The following RCCD1 variants were observed in gnomAD, a reference collection of about 807,000 sequenced individuals.
RCCD1 encodes the protein RCC1 domain containing 1.
Under a neutral mutation model 37.6 loss-of-function variants are expected in RCCD1, and 40 were observed. The ratio of observed to expected loss-of-function variants is 1.06; its 90% CI spans 0.83 to 1.39. The LOEUF is 1.39. Among genes scored for constraint, RCCD1 ranks in the 40% most tolerant of loss-of-function variants. The probability of loss-of-function intolerance (pLI) is 0.00; values close to 1 mark genes in which losing one functional copy is unlikely to be tolerated. For missense variants in RCCD1, 577 were observed against 517.3 expected (o/e 1.12, Z -1.12); for synonymous variants, 263 against 230.0 (o/e 1.14, Z -1.30).
chr15:90,961,763 G>T lies in RCCD1; in HGVS notation c.1125G>T (p.Lys375Asn), dbSNP rs760972174. The T allele has an allele frequency of 6.2e-7, 1 of 1,613,412 alleles. No individual in the cohort carries two copies. The highest frequency in any genetic ancestry group is 8.5e-7 in the Non-Finnish European group (1 of 1,179,914). ...ACGTGTATGCTGTGGAGAAAGGGAA[G>T]AGCTGACATGTGTACGTATATGTAT... ...NTYVYAVEKG[K>N]S Residue 375 changes from lysine to asparagine, a missense_variant, in exon 8 of 8, where the codon AAG (lysine) becomes AAT (asparagine). By Grantham distance (94) the Lys-to-Asn change is moderately conservative. Coordinates refer to ENST00000394258, the MANE Select transcript of RCCD1 (RefSeq NM_001017919.2).
intron 2 of RCCD1, 57 bp downstream of exon 2, chr15:90,956,957 C>T: frequency 7.9e-7 from 1 of 1,270,838 alleles, no homozygotes; most frequent in Non-Finnish European, 9.9e-7. Context: ...AGTCGCCTCC[C>T]CGCACCGCTG....
Position 90,960,356 on chromosome 15 carries a change from G to A in RCCD1, c.807G>A (p.Gln269=). 1 of 1,612,348 alleles carries A rather than the reference G, an allele frequency of 6.2e-7. No individual in the cohort carries two copies. The highest frequency in any genetic ancestry group is 1.1e-5 in the South Asian group (1 of 90,862). ...EATELNEDGS[Q]VKRTGGAEDG... is the part of the protein sequence containing the mutation. ...CAGAACTGAATGAAGATGGTTCTCA[G>A]GTGAAGAGAACGGGTGGGGCTGAGG... is the stretch of plus-strand genomic sequence containing the variant. The change falls in exon 6 of 8, where the codon CAG becomes CAA. Residue 269 remains glutamine, a synonymous_variant. Coordinates refer to ENST00000394258, the MANE Select transcript of RCCD1 (RefSeq NM_001017919.2).
chr15:90,960,289 G>T (rs1248249986), intron 5 of RCCD1, 39 bp from the exon 6 acceptor site: 1 of 1,554,368 alleles, frequency 6.4e-7, no homozygotes, highest in Admixed American at 1.8e-5. Flanking sequence ...TTTAGCTCAG[G>T]GCTCAGTTGG....
Position 90,957,234 on chromosome 15 carries a change from G to T in RCCD1, c.288G>T (p.Leu96=). 6.9e-7 allele frequency: 1 copy of T among 1,445,788 alleles called. No homozygotes were observed. Among genetic ancestry groups the T allele is most frequent in the South Asian group, 1.4e-5 (1 of 69,566 alleles). 89.6% of individuals were successfully genotyped at this position (1,445,788 alleles called of 1,614,324 possible). A position where few individuals can be genotyped will look rare whatever the true frequency, so the allele number is the denominator to read the frequency against. ...LRAGPGPEAL[L]QVWAAESALR... ...CCGGGCCGGGGCCGGAGGCGTTACT[G>T]CAGGTCTGGGCGGCCGAATCGGCGC... Residue 96 remains leucine (L), a synonymous_variant, in exon 3 of 8, where the codon CTG becomes CTT. Coordinates refer to ENST00000394258, the MANE Select transcript of RCCD1 (RefSeq NM_001017919.2).
rs763704333 is a variant in RCCD1, at chr15:90,956,872, G to C, written c.138G>C (p.Ala46=). Residue 46 remains alanine (A), a synonymous_variant, in exon 2 of 8, where the codon GCG becomes GCC. Coordinates refer to ENST00000394258, the MANE Select transcript of RCCD1 (RefSeq NM_001017919.2). ...GCGTCGACATCTGCCGCGTGAGCGC[G>C]AGCTGGAGCTACACCGCTTTCGTGA... is the stretch of plus-strand genomic sequence containing the variant. ...RAGVDICRVS[A]SWSYTAFVTR... 1 of 1,289,974 alleles carries C rather than the reference G, an allele frequency of 7.8e-7. No individual in the cohort carries two copies. The highest frequency in any genetic ancestry group is 9.8e-7 in the Non-Finnish European group (1 of 1,018,684). 79.9% of individuals were successfully genotyped at this position (1,289,974 alleles called of 1,614,324 possible).
intron 4 of RCCD1, among the ~76,000 whole-genome samples, chr15:90,957,953 C>A (rs940248299): frequency 1.3e-5 from 2 of 152,232 alleles, no homozygotes; most frequent in African/African-American, 2.4e-5. Flanking sequence ...TGTTACTGGT[C>A]TCACTGCCCC....
rs573632840 is a variant in RCCD1, at chr15:90,957,161, G to C, written c.215G>C (p.Arg72Pro). 1.5e-5 allele frequency: 21 copies of C among 1,364,764 alleles called. No individual in the cohort carries two copies. The South Asian group carries it at 3.5e-4, about 23-fold the overall frequency. 84.5% of individuals were successfully genotyped at this position (1,364,764 alleles called of 1,614,324 possible). A position where few individuals can be genotyped will look rare whatever the true frequency, so the allele number is the denominator to read the frequency against. The change falls in exon 3 of 8, where the codon CGC becomes CCC. Residue 72 changes from arginine to proline, a missense_variant. Coordinates refer to ENST00000394258, the MANE Select transcript of RCCD1 (RefSeq NM_001017919.2). ...GGCTCAGCCAGCGGCGCGGCGGGCCGCTGCAAGGACGCGTGGGCCTCGGAG... is the reference window on the plus strand; with the variant it reads ...GGCTCAGCCAGCGGCGCGGCGGGCCCCTGCAAGGACGCGTGGGCCTCGGAG... ...LSGSASGAAG[R>P]CKDAWASEGL...
Position 90,961,956 on chromosome 15 carries a change from C to G in RCCD1, c.*187C>G. 1 of 470,036 alleles carries G rather than the reference C, an allele frequency of 2.1e-6. No individual in the cohort carries two copies. Among genetic ancestry groups the G allele is most frequent in the Non-Finnish European group, 3.8e-6 (1 of 265,768 alleles). The allele number at this position is 470,036 out of a possible 1,614,324, so 29.1% of individuals were successfully genotyped here. ...TGGAGAGCATTGAAAACTCTGCTGC[C>G]TAAGGTCAGCATCAATCAAAACAAT... On this transcript the variant is annotated 3_prime_UTR_variant, in exon 8 of 8. Transcript: ENST00000394258.
chr15:90,959,895 T>C lies in RCCD1; in HGVS notation c.680-5T>C, dbSNP rs2037278908. ...TGTTTCATGTGTCCCCTTGATCTCTTTCAGAGACTGGGGATATTTATATCT... is the reference window on the plus strand; with the variant it reads ...TGTTTCATGTGTCCCCTTGATCTCTCTCAGAGACTGGGGATATTTATATCT... On this transcript the variant is annotated splice_polypyrimidine_tract_variant and splice_region_variant and intron_variant, in intron 4 of 7. Coordinates refer to ENST00000394258, the MANE Select transcript of RCCD1 (RefSeq NM_001017919.2). 6.2e-7 allele frequency: 1 copy of C among 1,605,994 alleles called. No individual in the cohort carries two copies.
At position 90,957,670 on chromosome 15, in the gene RCCD1, G is replaced by A. The variant is rs762906170; in HGVS notation, c.624G>A (p.Gln208=). The A allele has an allele frequency of 1.8e-5, 29 of 1,614,040 alleles. No homozygotes were observed. Among genetic ancestry groups the A allele is most frequent in the Non-Finnish European group, 3.4e-6 (4 of 1,180,010 alleles). Reference sequence around the variant, plus strand: ...AGCCACGGCTGTTGGAGGCGTTGCAGGGCCTAGTCATGGCTGAGGTGGCCG... The same window carrying A: ...AGCCACGGCTGTTGGAGGCGTTGCAAGGCCTAGTCATGGCTGAGGTGGCCG... The part of the protein sequence containing the change: ...ELEPRLLEAL[Q]GLVMAEVAAG... Residue 208 remains glutamine, a synonymous_variant, in exon 4 of 8, where the codon CAG becomes CAA. Coordinates refer to ENST00000394258, the MANE Select transcript of RCCD1 (RefSeq NM_001017919.2).
At chr15:90,961,513 G>A (rs2037313414) in intron 7 of RCCD1, 105 bp from the exon 8 acceptor site, 8 of 1,298,176 alleles carry the variant, frequency 6.2e-6, no homozygotes, top group Middle Eastern at 5.5e-4. Context: ...CAGAGCAGTG[G>A]GGCATAATCC....
chr15:90,956,746 G>A lies in RCCD1; in HGVS notation c.12G>A (p.Glu4=). The A allele has an allele frequency of 7.6e-7, 1 of 1,317,630 alleles. No individual in the cohort carries two copies. Among genetic ancestry groups the A allele is most frequent in the South Asian group, 2.5e-5 (1 of 40,398 alleles). 81.6% of individuals were successfully genotyped at this position (1,317,630 alleles called of 1,614,324 possible). A position where few individuals can be genotyped will look rare whatever the true frequency, so the allele number is the denominator to read the frequency against. The part of the protein sequence containing the change: MAE[E]RPGAWFGFGF... Reference sequence around the variant, plus strand: ...GGCGCTGCTCGGGCATGGCGGAGGAGCGGCCGGGGGCCTGGTTCGGCTTCG... The same window carrying A: ...GGCGCTGCTCGGGCATGGCGGAGGAACGGCCGGGGGCCTGGTTCGGCTTCG... Residue 4 remains glutamate, a synonymous_variant, in exon 2 of 8, where the codon GAG becomes GAA. Transcript: ENST00000394258.
rs143154492 is a variant in RCCD1 at position 90,956,622 on chromosome 15, TCCAG to T, written c.-110_-107del. On this transcript the variant is annotated 5_prime_UTR_variant, in exon 2 of 8. Transcript: ENST00000394258. Reference sequence around the variant, plus strand: ...TTCTCCATTTTACAGATAAGGCAGCTCCAGCCCCTGGAAGGCCAGAGACTTGCCA... The same window carrying T: ...TTCTCCATTTTACAGATAAGGCAGCTCCCCTGGAAGGCCAGAGACTTGCCA... 3.3e-3 allele frequency: 3,311 copies of T among 1,010,004 alleles called. 76 individuals are homozygous for T. The African/African-American group carries it at 0.05, about 15-fold the overall frequency. The allele number at this position is 1,010,004 out of a possible 1,614,324, so 62.6% of individuals were successfully genotyped here.
rs1462770247 is a variant in RCCD1 at position 90,961,622 on chromosome 15, A to G, written c.984A>G (p.Lys328=). The change falls in exon 8 of 8, where the codon AAA becomes AAG. Residue 328 remains lysine, a synonymous_variant. Transcript: ENST00000394258. Reference sequence around the variant, plus strand: ...AAGGGGCTGATTTCACTTTAGGTAAATATGGACAGCTGGGCCACGAGGACA... The same window carrying G: ...AAGGGGCTGATTTCACTTTAGGTAAGTATGGACAGCTGGGCCACGAGGACA... ...TGELYTWGWG[K]YGQLGHEDTT... is the part of the protein sequence containing the mutation. 6.2e-7 allele frequency: 1 copy of G among 1,612,530 alleles called. No individual in the cohort carries two copies. Among genetic ancestry groups the G allele is most frequent in the Non-Finnish European group, 8.5e-7 (1 of 1,179,112 alleles).
chr15:90,959,869 C>T (rs1192987555), intron 4 of RCCD1, 31 bp from the exon 5 acceptor site: 2 of 1,514,948 alleles, frequency 1.3e-6, no homozygotes, highest in East Asian at 2.3e-5. Flanking sequence ...GCTTCACAGT[C>T]TGTTTCATGT....
chr15:90,959,099 C>T (rs1201120592), intron 4 of RCCD1, among the ~76,000 whole-genome samples: 1 of 152,132 alleles, frequency 6.6e-6, no homozygotes, highest in Non-Finnish European at 1.5e-5. Flanking sequence ...CACCAGACTT[C>T]CTAGTTTCAG....
chr15:90,958,955 A>AC lies in RCCD1; in HGVS notation c.680-945_680-944insC, dbSNP rs1261631056. 1.4e-4 allele frequency among the ~76,000 whole-genome samples: 7 copies of AC among 49,256 alleles called. No homozygotes were observed. In the African/African-American group the frequency reaches 1.8e-3, roughly 13 times the overall value. The allele number at this position is 49,256 out of a possible 152,430, so 32.3% of individuals were successfully genotyped here. A position where few individuals can be genotyped will look rare whatever the true frequency, so the allele number is the denominator to read the frequency against. On this transcript the variant is annotated intron_variant, in intron 4 of 7. Transcript: ENST00000394258. ...TCTGTCTAAAAAAAAAAAAAAAACA[A>AC]AAAAAAAAAACCCCAACCTTGGGCT...
In RCCD1 at chr15:90,962,234, G is replaced by A. The variant is rs1056402839; in HGVS notation, c.*465G>A. The A allele has an allele frequency of 2.6e-5, 4 of 154,508 alleles. No homozygotes were observed. The highest frequency in any genetic ancestry group is 7.2e-5 in the African/African-American group (3 of 41,476). The allele number at this position is 154,508 out of a possible 1,614,324, so 9.6% of individuals were successfully genotyped here. On this transcript the variant is annotated 3_prime_UTR_variant, in exon 8 of 8. Transcript: ENST00000394258. ...AATGGAATCCTGTGTATGTGCTTTT[G>A]TGTCGTTTTTGTCACTCAGCATTGT...
chr15:90,960,004 GGTCATCTCGGCTCCCACAGCC>G lies in RCCD1; in HGVS notation c.778+10_778+30del, dbSNP rs1433658371. ...AGAGACTGTCGCAAGGGAAGGTGAG[GGTCATCTCGGCTCCCACAGCC>G]GTCTCCCCAGGATGTGGCTGTCATT... On this transcript the variant is annotated splice_region_variant and intron_variant, in intron 5 of 7. Transcript: ENST00000394258. The G allele has an allele frequency of 6.2e-7, 1 of 1,606,632 alleles. No individual in the cohort carries two copies. The highest frequency in any genetic ancestry group is 1.7e-5 in the Admixed American group (1 of 59,350).
Sources: allele counts gnomAD v4.1 joint callset (sites outside exome capture counted in the v4.1 genomes callset), GRCh38; gene constraint gnomAD v4.1.1; transcripts MANE v1.5; gene names NCBI Gene and HGNC (gene_info 2026-07-23, HGNC 2026-07-21).